CALN1: variants seen among roughly 807,000 people sequenced by gnomAD.
CALN1 encodes calcium-binding protein 8.
Under a neutral mutation model 30.6 loss-of-function variants are expected in CALN1, and 17 were observed. That is an observed-to-expected ratio of 0.56 (90% CI 0.38 to 0.83). The LOEUF (loss-of-function observed/expected upper bound fraction) is 0.83, where lower values mean the gene tolerates loss of function less well. Among genes scored for constraint, CALN1 ranks in the 40% least tolerant of loss-of-function variants. The probability of loss-of-function intolerance (pLI) is 0.00; values close to 1 mark genes in which losing one functional copy is unlikely to be tolerated. For missense variants in CALN1, 291 were observed against 354.9 expected (o/e 0.82, Z 1.45); for synonymous variants, 156 against 131.4 (o/e 1.19, Z -1.28).
At chr7:72,147,134 C>A (rs1433636131) in intron 3 of CALN1, among the ~76,000 whole-genome samples, 7 of 152,080 alleles carry the variant, frequency 4.6e-5, no homozygotes, top group Non-Finnish European at 1.0e-4. Context: ...TAATTAAACT[C>A]AAGAGCTTCT....
intron 3 of CALN1, among the ~76,000 whole-genome samples, chr7:72,144,402 T>C (rs1338902907): frequency 1.3e-5 from 2 of 152,140 alleles, no homozygotes; most frequent in Admixed American, 6.6e-5. Flanking sequence ...GGTAAAGGGA[T>C]CAATTCAACA....
intron 4 of CALN1, among the ~76,000 whole-genome samples, chr7:72,102,998 G>A (rs1472030009): frequency 1.3e-5 from 2 of 148,186 alleles, no homozygotes; most frequent in East Asian, 2.0e-4. Flanking sequence ...GCTTAAACCC[G>A]GGAAGCGGAG....
intron 2 of CALN1, among the ~76,000 whole-genome samples, chr7:72,396,272 A>T (rs1167997288): frequency 7.0e-6 from 1 of 142,344 alleles, no homozygotes; most frequent in Non-Finnish European, 1.5e-5. Flanking sequence ...GAAAAAGAAA[A>T]ATTAGCTGGG....
At chr7:72,461,485 A>C in the CALN1 span, among the ~76,000 whole-genome samples, 16 of 152,342 alleles carry the variant, frequency 1.1e-4, no homozygotes, top group African/African-American at 1.9e-4. Context: ...ATAAAGAAGA[A>C]TGAAATCATG....
At chr7:72,317,695 G>A (rs1355187655) in intron 2 of CALN1, among the ~76,000 whole-genome samples, 1 of 152,176 alleles carries the variant, frequency 6.6e-6, no homozygotes, top group Admixed American at 6.5e-5. Flanking sequence ...GTGCTAGGCT[G>A]AGAGGAAAGA....
intron 4 of CALN1, among the ~76,000 whole-genome samples, chr7:72,065,737 C>CA (rs1803977665): frequency 1.3e-5 from 2 of 152,002 alleles, no homozygotes; most frequent in South Asian, 2.1e-4. Flanking sequence ...ACTAAAAATA[C>CA]AAAAAATTAG....
intron 5 of CALN1, among the ~76,000 whole-genome samples, chr7:71,997,368 T>C (rs1799307866): frequency 6.6e-6 from 1 of 151,940 alleles, no homozygotes; most frequent in South Asian, 2.1e-4. Flanking sequence ...TGAGGACAGA[T>C]CAATAAAATT....
chr7:71,828,720 G>C (rs555367630), intron 5 of CALN1, among the ~76,000 whole-genome samples: 1 of 147,018 alleles, frequency 6.8e-6, no homozygotes, highest in African/African-American at 2.5e-5. Flanking sequence ...ATATGTATAT[G>C]TGTGTGTGTG....
At chr7:72,480,829 TTCA>T in the CALN1 span, among the ~76,000 whole-genome samples, 1 of 152,192 alleles carries the variant, frequency 6.6e-6, no homozygotes, top group Admixed American at 6.5e-5. Flanking sequence ...AAAAAAATTG[TTCA>T]TCATATTTTT....
chr7:72,433,530 G>A (rs151325062), intron 1 of CALN1, among the ~76,000 whole-genome samples: 11 of 152,150 alleles, frequency 7.2e-5, no homozygotes, highest in South Asian at 2.1e-4. Flanking sequence ...GGGTGCTTGC[G>A]GCTCCTAAGT....
chr7:71,846,921 T>C (rs1790292556), intron 5 of CALN1, among the ~76,000 whole-genome samples: 1 of 145,964 alleles, frequency 6.9e-6, no homozygotes, highest in Admixed American at 7.0e-5. Context: ...TACATATATG[T>C]ATATTATATA....
chr7:72,258,897 T>TGG, intron 3 of CALN1, among the ~76,000 whole-genome samples: 1 of 132,720 alleles, frequency 7.5e-6, no homozygotes, highest in Middle Eastern at 3.8e-3. Flanking sequence ...TACTAAAAAG[T>TGG]AAAAAAAAAA....
intron 5 of CALN1, among the ~76,000 whole-genome samples, chr7:71,823,084 A>T (rs1788685765): frequency 6.6e-6 from 1 of 151,302 alleles, no homozygotes. Context: ...TTCTCTCATG[A>T]CAGACAATTT....
At chr7:72,100,840 AAG>A (rs1277910005) in intron 4 of CALN1, among the ~76,000 whole-genome samples, 1 of 151,582 alleles carries the variant, frequency 6.6e-6, no homozygotes, top group African/African-American at 2.4e-5. Flanking sequence ...AAAAAAAAAA[AAG>A]AATAACTTCT....
At chr7:72,297,095 T>C (rs567439064) in intron 2 of CALN1, among the ~76,000 whole-genome samples, 29 of 152,314 alleles carry the variant, frequency 1.9e-4, no homozygotes, top group Admixed American at 7.8e-4. Flanking sequence ...CACACTGCTT[T>C]GAATGCGTCC....
chr7:71,795,253 C>T (rs1346178326), intron 6 of CALN1, among the ~76,000 whole-genome samples: 1 of 152,100 alleles, frequency 6.6e-6, no homozygotes, highest in East Asian at 1.9e-4. Context: ...ATCTCTCGAC[C>T]TTGTGATCCA....
chr7:72,211,974 T>C (rs759171155), intron 3 of CALN1, among the ~76,000 whole-genome samples: 2 of 152,174 alleles, frequency 1.3e-5, no homozygotes, highest in African/African-American at 2.4e-5. Flanking sequence ...CGACTCGTAA[T>C]AGATGCTTGA....
rs138813203 is a variant in CALN1 at position 71,921,035 on chromosome 7, A to G, written c.501+102622T>C. Among the ~76,000 whole-genome samples, 842 of 152,364 alleles carry G rather than the reference A, an allele frequency of 5.5e-3. 7 individuals carry two copies. The highest frequency in any genetic ancestry group is 0.014 in the Middle Eastern group (4 of 294). The stretch of plus-strand genomic sequence containing the variant: ...GAATACTATGCAGCCATAAAAAAGG[A>G]TGCGTTCATGTCCTTTGCAGGGATA... On this transcript the variant is annotated intron_variant, in intron 5 of 6. Transcript: ENST00000395275.
chr7:72,480,521 T>C, the CALN1 span, among the ~76,000 whole-genome samples: 1 of 152,182 alleles, frequency 6.6e-6, no homozygotes, highest in African/African-American at 2.4e-5. Context: ...CTGGGAAATA[T>C]TCTCTCCCTT....
Sources: gnomAD v4.1 joint callset for allele counts (sites outside exome capture counted in the v4.1 genomes callset) on GRCh38, gnomAD v4.1.1 for gene constraint, MANE v1.5 for transcripts, NCBI Gene and HGNC (gene_info 2026-07-23, HGNC 2026-07-21) for gene names.